The following RPS6KB2 variants were observed in gnomAD, a reference collection of about 807,000 sequenced individuals.
RPS6KB2 encodes ribosomal protein S6 kinase beta-2.
In RPS6KB2, 51 loss-of-function variants were observed where a neutral mutation model predicts 58.2. That is an observed-to-expected ratio of 0.88 (90% confidence interval 0.70 to 1.11). The LOEUF (loss-of-function observed/expected upper bound fraction) is 1.11. Among genes scored for constraint, RPS6KB2 ranks in the 50% least tolerant of loss-of-function variants. The pLI, the probability that RPS6KB2 is intolerant of heterozygous loss-of-function variation, is 0.00. For synonymous variants in RPS6KB2, 293 were observed against 258.6 expected, an observed-to-expected ratio of 1.13 and a Z score of -1.28; for missense variants, 671 against 655.8, an observed-to-expected ratio of 1.02 and a Z score of -0.25.
chr11:67,433,718 G>GAC (rs1267817665), intron 10 of RPS6KB2, among the ~76,000 whole-genome samples: 2 of 152,144 alleles, frequency 1.3e-5, no homozygotes, highest in East Asian at 3.9e-4. Flanking sequence ...GCGAGCATCG[G>GAC]AGGTGTTAGG....
Position 67,433,384 on chromosome 11 carries a change from C to T in RPS6KB2, c.843C>T (p.Ile281=), listed in dbSNP as rs771767682. ...AENRKKTMDK[I]IRGKLALPPY... is the part of the protein sequence containing the mutation. Reference sequence around the variant, plus strand: ...ACCGGAAGAAAACCATGGATAAGATCATCAGGGGCAAGCTGGCACTGCCCC... The same window carrying T: ...ACCGGAAGAAAACCATGGATAAGATTATCAGGGGCAAGCTGGCACTGCCCC... The change falls in exon 10 of 15, where the codon ATC becomes ATT. Residue 281 remains isoleucine, a synonymous_variant. Transcript: ENST00000312629. 1.9e-6 allele frequency: 3 copies of T among 1,613,934 alleles called. No individual in the cohort carries two copies. The highest frequency in any genetic ancestry group is 2.5e-6 in the Non-Finnish European group (3 of 1,179,942).
At chr11:67,431,772 G>A in intron 5 of RPS6KB2, 1 of 459,072 alleles carries the variant, frequency 2.2e-6, no homozygotes, top group Non-Finnish European at 4.0e-6. Context: ...TTGGATAGAA[G>A]TCCAGAGGAT....
rs1863919566 is a variant in RPS6KB2 at position 67,428,635 on chromosome 11, G to A, written c.78+12G>A. On this transcript the variant is annotated intron_variant, in intron 1 of 14. Transcript: ENST00000312629. ...AGCTCAGCCCCGCGGTGAGTGCCCT[G>A]CCCTGGCGCGACTGGATCCTGGAGC... The A allele has an allele frequency of 6.2e-7, 1 of 1,601,296 alleles. No individual in the cohort carries two copies. The highest frequency in any genetic ancestry group is 8.5e-7 in the Non-Finnish European group (1 of 1,174,508).
chr11:67,434,754 C>T, intron 14 of RPS6KB2, 60 bp downstream of exon 14: 1 of 1,374,976 alleles, frequency 7.3e-7, no homozygotes, highest in South Asian at 1.2e-5. Flanking sequence ...AGGATGCCAG[C>T]TCCAGCCTTG....
chr11:67,428,533 G>T lies in RPS6KB2; in HGVS notation c.-13G>T. On this transcript the variant is annotated 5_prime_UTR_variant, in exon 1 of 15. Transcript: ENST00000312629. ...CAGGTACGGGCCGACGGGCCCGCGG[G>T]GCCGGCGCCGCCATGGCGGCCGTGT... 6.2e-7 allele frequency: 1 copy of T among 1,601,786 alleles called. No individual in the cohort carries two copies. The highest frequency in any genetic ancestry group is 1.1e-5 in the South Asian group (1 of 90,004).
At position 67,435,052 on chromosome 11, in the gene RPS6KB2, G is replaced by A. The variant is rs761441103; in HGVS notation, c.1332G>A (p.Glu444=). The A allele has an allele frequency of 1.7e-5, 28 of 1,612,730 alleles. No individual in the cohort carries two copies. The highest frequency in any genetic ancestry group is 2.0e-5 in the Non-Finnish European group (24 of 1,179,718). The part of the protein sequence containing the change: ...RPSPSLPEPT[E]LPLPPLLPPP... ...GCCCCAGCCTGCCGGAGCCCACGGA[G>A]CTACCTCTACCTCCACTCCTGCCAC... The change falls in exon 15 of 15, where the codon GAG becomes GAA. Residue 444 remains glutamate, a synonymous_variant. Transcript: ENST00000312629.
rs772476716 is a variant in RPS6KB2 at position 67,428,642 on chromosome 11, C to T, written c.78+19C>T. Reference sequence around the variant, plus strand: ...CCCCGCGGTGAGTGCCCTGCCCTGGCGCGACTGGATCCTGGAGCCGATCCT... The same window carrying T: ...CCCCGCGGTGAGTGCCCTGCCCTGGTGCGACTGGATCCTGGAGCCGATCCT... On this transcript the variant is annotated intron_variant, in intron 1 of 14. Coordinates refer to ENST00000312629, the MANE Select transcript of RPS6KB2 (RefSeq NM_003952.3). 1.3e-6 allele frequency: 2 copies of T among 1,597,790 alleles called. No individual in the cohort carries two copies. The highest frequency in any genetic ancestry group is 1.1e-5 in the South Asian group (1 of 89,948).
Position 67,435,007 on chromosome 11 carries a change from T to C in RPS6KB2, c.1287T>C (p.Pro429=), listed in dbSNP as rs779930899. ...CCTGCAGCCCCCTCAAGTTCTCCCC[T>C]TTTGAGGGGTTTCGGCCCAGCCCCA... ...RAPVSPLKFS[P]FEGFRPSPSL... Residue 429 remains proline, a synonymous_variant, in exon 15 of 15, where the codon CCT becomes CCC. Transcript: ENST00000312629. The C allele has an allele frequency of 5.6e-6, 9 of 1,613,468 alleles. No individual in the cohort carries two copies. The highest frequency in any genetic ancestry group is 7.6e-6 in the Non-Finnish European group (9 of 1,179,760).
Position 67,432,776 on chromosome 11 carries a change from C to A in RPS6KB2, c.555C>A (p.Leu185=), listed in dbSNP as rs775660711. The A allele has an allele frequency of 2.5e-6, 4 of 1,614,012 alleles. No homozygotes were observed. In the Admixed American group the frequency reaches 6.7e-5, roughly 27 times the overall value. The change falls in exon 7 of 15, where the codon CTC becomes CTA. Residue 185 remains leucine, a synonymous_variant. Coordinates refer to ENST00000312629, the MANE Select transcript of RPS6KB2 (RefSeq NM_003952.3). ...AGATCACGCTGGCCCTGGGCCATCT[C>A]CACTCCCAGGGCATCATCTACCGGG... The part of the protein sequence containing the change: ...LAEITLALGH[L]HSQGIIYRDL...
rs1307129448 is a variant in RPS6KB2 at position 67,429,153 on chromosome 11, T to C, written c.153T>C (p.Thr51=). 6.2e-6 allele frequency: 10 copies of C among 1,613,826 alleles called. No individual in the cohort carries two copies. The highest frequency in any genetic ancestry group is 7.6e-6 in the Non-Finnish European group (9 of 1,180,022). Residue 51 remains threonine, a synonymous_variant, in exon 3 of 15, where the codon ACT becomes ACC. Transcript: ENST00000312629. Reference sequence around the variant, plus strand: ...GACACTATGAAGAGGTGGAGCTGACTGAGACCAGCGTGAACGTTGGCCCAG... The same window carrying C: ...GACACTATGAAGAGGTGGAGCTGACCGAGACCAGCGTGAACGTTGGCCCAG... The part of the protein sequence containing the change: ...PVGHYEEVEL[T]ETSVNVGPER...
At position 67,433,176 on chromosome 11, in the gene RPS6KB2, G is replaced by A. The variant is rs756139829; in HGVS notation, c.758G>A (p.Trp253Ter). 6.2e-7 allele frequency: 1 copy of A among 1,605,370 alleles called. No individual in the cohort carries two copies. The highest frequency in any genetic ancestry group is 1.1e-5 in the South Asian group (1 of 90,608). ...GGCCACAACCGGGCTGTGGACTGGT[G>A]GAGCCTGGGGGCCCTGATGTACGAC... ...RSGHNRAVDW[W>*]SLGALMYDML... The change falls in exon 9 of 15, where the codon TGG becomes TAG. Residue 253 changes from tryptophan (W) to a stop codon, truncating the protein, a stop_gained. Coordinates refer to ENST00000312629, the MANE Select transcript of RPS6KB2 (RefSeq NM_003952.3). LOFTEE classifies it high-confidence loss of function.
chr11:67,433,515 G>C, intron 10 of RPS6KB2, 68 bp downstream of exon 10: 1 of 1,295,320 alleles, frequency 7.7e-7, no homozygotes, highest in Non-Finnish European at 1.1e-6. Flanking sequence ...AGTCTCTCTG[G>C]GCTGTGGGGA....
chr11:67,433,917 T>TG (rs1590977104), intron 10 of RPS6KB2, 78 bp from the exon 11 acceptor site: 10 of 1,505,852 alleles, frequency 6.6e-6, no homozygotes, highest in Non-Finnish European at 8.3e-6. Context: ...ACCTGACCCC[T>TG]ACTCCAGCTA....
chr11:67,431,398 GCACA>G lies in RPS6KB2; in HGVS notation c.346_349del (p.Thr116GlyfsTer7), dbSNP rs746624387. 4 of 1,614,108 alleles carry G rather than the reference GCACA, an allele frequency of 2.5e-6. No individual in the cohort carries two copies. Among genetic ancestry groups the G allele is most frequent in the Middle Eastern group, 3.3e-4 (2 of 6,062 alleles). On this transcript the variant is annotated frameshift_variant, in exon 5 of 15. Transcript: ENST00000312629. LOFTEE classifies it high-confidence loss of function. Reference sequence around the variant, plus strand: ...AATTGTGCGCAATGCCAAGGACACAGCACACACACGGGCTGAGCGGAACATTCTA... The same window carrying G: ...AATTGTGCGCAATGCCAAGGACACAGCACACGGGCTGAGCGGAACATTCTA...
chr11:67,429,906 C>T (rs1015889042), intron 4 of RPS6KB2: 17 of 259,172 alleles, frequency 6.6e-5, no homozygotes, highest in African/African-American at 3.7e-4. Flanking sequence ...CTCTGTCTCC[C>T]AGGTTCAAGC....
rs767297157 is a variant in RPS6KB2 at position 67,431,441 on chromosome 11, A to G, written c.383A>G (p.His128Arg). 6.2e-7 allele frequency: 1 copy of G among 1,613,980 alleles called. No homozygotes were observed. Among genetic ancestry groups the G allele is most frequent in the South Asian group, 1.1e-5 (1 of 91,078 alleles). ...AERNILESVK[H>R]PFIVELAYAF... The stretch of plus-strand genomic sequence containing the variant: ...CGGAACATTCTAGAGTCAGTGAAGC[A>G]CCCCTTTATTGTGGAACTGGCCTAT... Residue 128 changes from histidine (H) to arginine (R), a missense_variant, in exon 5 of 15, where the codon CAC becomes CGC. By Grantham distance (29) the His-to-Arg change is conservative (BLOSUM62 0). Transcript: ENST00000312629.
intron 7 of RPS6KB2, 57 bp downstream of exon 7, chr11:67,432,894 G>A: frequency 6.2e-7 from 1 of 1,608,450 alleles, no homozygotes; most frequent in Non-Finnish European, 8.5e-7. Flanking sequence ...GGGGAGGGCT[G>A]AGGACCTCTG....
In RPS6KB2 at chr11:67,431,327, G is replaced by T. The variant is rs544774269; in HGVS notation, c.310-41G>T. On this transcript the variant is annotated intron_variant, in intron 4 of 14. Coordinates refer to ENST00000312629, the MANE Select transcript of RPS6KB2 (RefSeq NM_003952.3). ...TTACAGGTGTGAGCCACTGTGCCCA[G>T]CCTGGATGCCTCAGTTTCTAACCAA... The T allele has an allele frequency of 5.0e-6, 8 of 1,604,714 alleles. No individual in the cohort carries two copies. In the African/African-American group the frequency reaches 5.3e-5, roughly 11 times the overall value.
intron 4 of RPS6KB2, chr11:67,430,691 C>T (rs1863992389): frequency 6.6e-6 from 1 of 152,224 alleles, no homozygotes; most frequent in Non-Finnish European, 1.5e-5. Flanking sequence ...GCCTCAACCT[C>T]CCAAAGTGCT....
Sources: allele counts gnomAD v4.1 joint callset (sites outside exome capture counted in the v4.1 genomes callset), GRCh38; gene constraint gnomAD v4.1.1; transcripts MANE v1.5; gene names NCBI Gene and HGNC (gene_info 2026-07-23, HGNC 2026-07-21).